The following TDRD5 variants were observed in gnomAD, a reference collection of about 807,000 sequenced individuals.
TDRD5 encodes the protein tudor domain containing 5.
TDRD5 carries 41 observed loss-of-function variants against 120.6 expected under a neutral mutation model. The ratio of observed to expected loss-of-function variants is 0.34; its 90% CI spans 0.26 to 0.44. The LOEUF (loss-of-function observed/expected upper bound fraction) is 0.44, where lower values mean the gene tolerates loss of function less well. Ranked by LOEUF, TDRD5 falls within the 20% of genes least tolerant of loss-of-function variation. The pLI, the probability that TDRD5 is intolerant of heterozygous loss-of-function variation, is 1.00. For synonymous variants in TDRD5, 430 were observed against 433.7 expected (o/e 0.99, Z 0.11); for missense variants, 1,006 against 1,221.2 (o/e 0.82, Z 2.63).
At chr1:179,650,225 AC>A (rs1405443876) in intron 11 of TDRD5, among the ~76,000 whole-genome samples, 1 of 151,886 alleles carries the variant, frequency 6.6e-6, no homozygotes, top group Non-Finnish European at 1.5e-5. Flanking sequence ...ACATGGTGAA[AC>A]CCCGTCTCTA....
intron 2 of TDRD5, 22 bp downstream of exon 2, chr1:179,592,869 G>A (rs752321449): frequency 1.2e-6 from 2 of 1,601,452 alleles, no homozygotes; most frequent in Admixed American, 1.7e-5. Context: ...ATTTTTGAAG[G>A]TCTATAAACT....
rs1677737264 is a variant in TDRD5, at chr1:179,635,837, C to A, written c.1470C>A (p.Ile490=). 1.9e-6 allele frequency: 3 copies of A among 1,613,800 alleles called. No homozygotes were observed. The highest frequency in any genetic ancestry group is 1.7e-5 in the Admixed American group (1 of 60,012). The change falls in exon 9 of 18, where the codon ATC becomes ATA. Residue 490 remains isoleucine (I), a synonymous_variant. Transcript: ENST00000444136. ...CTCCTAGTCAATTCTACATCCGGATCTATAGCAGGGATTCGTCAGAGTTAC... is the reference window on the plus strand; with the variant it reads ...CTCCTAGTCAATTCTACATCCGGATATATAGCAGGGATTCGTCAGAGTTAC... ...IISPSQFYIR[I]YSRDSSELLE...
In TDRD5 at chr1:179,662,373, G is replaced by T. The variant is rs563796314; in HGVS notation, c.2505+87G>T. On this transcript the variant is annotated intron_variant, in intron 15 of 17. Coordinates refer to ENST00000444136, the MANE Select transcript of TDRD5 (RefSeq NM_001199085.3). ...CCTAGCAGTTTGGGAGGCCAAGGTG[G>T]GTGGATCAGTTGAGCTCAGGAGTTC... 1.4e-5 allele frequency: 20 copies of T among 1,428,352 alleles called. No individual in the cohort carries two copies. The South Asian group carries it at 1.5e-4, about 11-fold the overall frequency. 88.5% of individuals were successfully genotyped at this position (1,428,352 alleles called of 1,614,324 possible).
chr1:179,596,822 A>G (rs1273397203), intron 4 of TDRD5, among the ~76,000 whole-genome samples: 1 of 152,168 alleles, frequency 6.6e-6, no homozygotes. Flanking sequence ...TTGTGTAAAT[A>G]CCTGGGGGTT....
intron 17 of TDRD5, among the ~76,000 whole-genome samples, chr1:179,682,120 T>C (rs183390822): frequency 6.6e-6 from 1 of 150,654 alleles, no homozygotes; most frequent in African/African-American, 2.4e-5. Flanking sequence ...ATTCTATCTG[T>C]GTCATTTCTG....
chr1:179,592,520 A>C, intron 1 of TDRD5, 82 bp from the exon 2 acceptor site: 2 of 1,109,150 alleles, frequency 1.8e-6, no homozygotes, highest in Non-Finnish European at 2.6e-6. Flanking sequence ...AGTCTCAGTT[A>C]TTTGTATCCC....
Position 179,654,376 on chromosome 1 carries a change from A to G in TDRD5, c.2322+14A>G. ...GAAGAAAATGAGGTAGGAGAAGGAA[A>G]GATAGTCTTTGAATATGTAATTAAT... On this transcript the variant is annotated intron_variant, in intron 14 of 17. Coordinates refer to ENST00000444136, the MANE Select transcript of TDRD5 (RefSeq NM_001199085.3). 1.3e-6 allele frequency: 2 copies of G among 1,519,664 alleles called. No individual in the cohort carries two copies. The highest frequency in any genetic ancestry group is 1.3e-5 in the South Asian group (1 of 78,968). 94.1% of individuals were successfully genotyped at this position (1,519,664 alleles called of 1,614,324 possible). A position where few individuals can be genotyped will look rare whatever the true frequency, so the allele number is the denominator to read the frequency against.
intron 17 of TDRD5, among the ~76,000 whole-genome samples, chr1:179,683,405 T>C (rs140166020): frequency 6.6e-6 from 1 of 152,324 alleles, no homozygotes; most frequent in African/African-American, 2.4e-5. Flanking sequence ...CCTTTTGATA[T>C]CCGAGCTCAC....
intron 17 of TDRD5, among the ~76,000 whole-genome samples, chr1:179,688,925 T>G (rs551817647): frequency 1.3e-5 from 2 of 152,370 alleles, no homozygotes; most frequent in South Asian, 4.1e-4. Context: ...CTATGATGTT[T>G]ATTCTAGTTA....
intron 11 of TDRD5, among the ~76,000 whole-genome samples, chr1:179,647,766 C>T (rs2102051043): frequency 6.7e-6 from 1 of 149,836 alleles, no homozygotes; most frequent in African/African-American, 2.4e-5. Context: ...AACAAACAAC[C>T]CCATCAAAAA....
chr1:179,637,923 T>G (rs1371685160), intron 9 of TDRD5, among the ~76,000 whole-genome samples: 1 of 152,206 alleles, frequency 6.6e-6, no homozygotes, highest in African/African-American at 2.4e-5. Flanking sequence ...ATAATTGAGC[T>G]AGGCCTCAAA....
At chr1:179,676,695 T>C (rs1328881366) in intron 17 of TDRD5, among the ~76,000 whole-genome samples, 2 of 152,270 alleles carry the variant, frequency 1.3e-5, no homozygotes, top group African/African-American at 2.4e-5. Flanking sequence ...TTCTAGCTTA[T>C]AGATTTCTGC....
At chr1:179,674,504 T>G (rs111606692) in intron 17 of TDRD5, among the ~76,000 whole-genome samples, 153 of 152,296 alleles carry the variant, frequency 1.0e-3, no homozygotes, top group Admixed American at 1.5e-3. Context: ...GTAGTTTTTT[T>G]TTGTTGTTGT....
chr1:179,672,680 T>C (rs988957878), intron 17 of TDRD5, among the ~76,000 whole-genome samples: 14 of 152,218 alleles, frequency 9.2e-5, no homozygotes, highest in African/African-American at 3.4e-4. Flanking sequence ...TAAGCCAATG[T>C]CTAGAAGGGT....
intron 4 of TDRD5, among the ~76,000 whole-genome samples, chr1:179,599,674 C>T (rs1675595479): frequency 6.6e-6 from 1 of 151,948 alleles, no homozygotes; most frequent in African/African-American, 2.4e-5. Context: ...GTCTGTGATG[C>T]TTGCTCTTTA....
intron 6 of TDRD5, among the ~76,000 whole-genome samples, chr1:179,627,069 G>C (rs541921965): frequency 1.6e-4 from 24 of 152,258 alleles, no homozygotes; most frequent in African/African-American, 4.6e-4. Flanking sequence ...TAAATTATTA[G>C]ACATTTTCAC....
intron 7 of TDRD5, 22 bp downstream of exon 7, chr1:179,630,942 T>C: frequency 6.3e-7 from 1 of 1,594,432 alleles, no homozygotes; most frequent in Non-Finnish European, 8.5e-7. Flanking sequence ...CACAGTATGA[T>C]GCAAACCTCA....
chr1:179,690,606 C>T, intron 17 of TDRD5, 90 bp from the exon 18 acceptor site: 4 of 1,503,368 alleles, frequency 2.7e-6, no homozygotes, highest in Non-Finnish European at 3.6e-6. Flanking sequence ...ATGATTGTAA[C>T]ACATATTAGT....
rs1016544863 is a variant in TDRD5 at position 179,639,768 on chromosome 1, G to C, written c.1521-71G>C. On this transcript the variant is annotated intron_variant, in intron 9 of 17. Transcript: ENST00000444136. ...GCTTTTTGCCAAGACTTTCTGGCTT[G>C]ATACATTGATAAAAATTATCTTTAA... 50 of 1,518,714 alleles carry C rather than the reference G, an allele frequency of 3.3e-5. 1 individual carries two copies. The highest frequency in any genetic ancestry group is 1.7e-4 in the Middle Eastern group (1 of 5,730). 94.1% of individuals were successfully genotyped at this position (1,518,714 alleles called of 1,614,324 possible).
Sources: allele counts gnomAD v4.1 joint callset (sites outside exome capture counted in the v4.1 genomes callset), GRCh38; gene constraint gnomAD v4.1.1; transcripts MANE v1.5; gene names NCBI Gene and HGNC (gene_info 2026-07-23, HGNC 2026-07-21).